Variants in TEX46 observed in about 807,000 individuals in gnomAD.
The protein encoded by TEX46 is testis-expressed protein 46.
A neutral mutation model predicts 5.3 loss-of-function variants in TEX46; 6 were observed. The observed-to-expected ratio is 1.13, with a 90% CI of 0.62 to 2.23. The LOEUF (loss-of-function observed/expected upper bound fraction) is 2.23. Ranked by LOEUF, TEX46 falls within the 30% of genes most tolerant of loss-of-function variation. The pLI is 0.00. For missense variants in TEX46, 131 were observed against 150.9 expected (o/e 0.87, Z 0.69); for synonymous variants, 41 against 54.6 (o/e 0.75, Z 1.10).
At chr1:23,012,898 G>C (rs1024427667) in intron 2 of TEX46, among the ~76,000 whole-genome samples, 1 of 135,746 alleles carries the variant, frequency 7.4e-6, no homozygotes, top group African/African-American at 2.8e-5. Context: ...TTGAGACAGA[G>C]TCTCACTCTG....
intron 2 of TEX46, 154 bp from the exon 3 acceptor site, chr1:23,011,255 C>T: frequency 3.3e-6 from 2 of 611,264 alleles, no homozygotes; most frequent in Non-Finnish European, 5.8e-6. Context: ...AATGATAATC[C>T]CTTCCTTGCT....
At chr1:23,013,017 A>G (rs1641374544) in intron 2 of TEX46, among the ~76,000 whole-genome samples, 1 of 151,304 alleles carries the variant, frequency 6.6e-6, no homozygotes, top group East Asian at 1.9e-4. Flanking sequence ...GGCACGCACC[A>G]CCATGCCTGG....
chr1:23,012,261 T>G (rs1443842619), intron 2 of TEX46, among the ~76,000 whole-genome samples: 1 of 151,870 alleles, frequency 6.6e-6, no homozygotes, highest in African/African-American at 2.4e-5. Flanking sequence ...AAGGATCACC[T>G]GATCCCAGGG....
intron 1 of TEX46, 114 bp from the exon 2 acceptor site, chr1:23,014,159 T>C: frequency 7.0e-7 from 1 of 1,420,452 alleles, no homozygotes; most frequent in Admixed American, 2.9e-5. Flanking sequence ...CTCTGAGTCA[T>C]AGCCAGCTCC....
chr1:23,013,769 G>T (rs990130258), intron 2 of TEX46, 114 bp downstream of exon 2: 22 of 960,256 alleles, frequency 2.3e-5, no homozygotes, highest in Non-Finnish European at 3.2e-5. Context: ...GACCAGTCTT[G>T]GATTCCCCAG....
chr1:23,011,346 G>A (rs1641349427), intron 2 of TEX46: 1 of 435,370 alleles, frequency 2.3e-6, no homozygotes, highest in Non-Finnish European at 4.1e-6. Flanking sequence ...GAGCATCATT[G>A]CCTCATTTTG....
chr1:23,012,436 A>G (rs1382887511), intron 2 of TEX46, among the ~76,000 whole-genome samples: 1 of 152,168 alleles, frequency 6.6e-6, no homozygotes, highest in African/African-American at 2.4e-5. Flanking sequence ...AAATACTCAT[A>G]TTCCCATATC....
intron 1 of TEX46, among the ~76,000 whole-genome samples, chr1:23,015,497 T>C (rs888433963): frequency 1.4e-5 from 2 of 142,864 alleles, no homozygotes; most frequent in Admixed American, 1.4e-4. Flanking sequence ...ATTCCACTTT[T>C]GGGTATTCCC....
chr1:23,015,436 C>CAA lies in TEX46; in HGVS notation c.2+334_2+335dup, dbSNP rs61258225. Among the ~76,000 whole-genome samples the CAA allele has an allele frequency of 5.9e-3, 164 of 27,778 alleles. 32 individuals carry two copies. The highest frequency in any genetic ancestry group is 0.014 in the African/African-American group (92 of 6,456). 18.2% of individuals were successfully genotyped at this position (27,778 alleles called of 152,430 possible). On this transcript the variant is annotated intron_variant, in intron 1 of 2. Coordinates refer to ENST00000566855, the MANE Select transcript of TEX46 (RefSeq NM_001242521.2). The stretch of plus-strand genomic sequence containing the variant: ...GGGCGACAACAGTAAGACTCCTTCT[C>CAA]AAAAAAAAAAAAAAAAAAAAAAAAA...
chr1:23,012,914 C>A (rs1244563515), intron 2 of TEX46, among the ~76,000 whole-genome samples: 1 of 143,982 alleles, frequency 6.9e-6, no homozygotes, highest in Admixed American at 7.1e-5. Context: ...CTCTGTCATC[C>A]AGGCTGTAGT....
At chr1:23,014,385 A>G (rs772192419) in intron 1 of TEX46, among the ~76,000 whole-genome samples, 2 of 152,126 alleles carry the variant, frequency 1.3e-5, no homozygotes, top group African/African-American at 2.4e-5. Context: ...CTACCATCAT[A>G]GGGGCAAAGA....
intron 2 of TEX46, among the ~76,000 whole-genome samples, chr1:23,013,064 C>T (rs946008302): frequency 3.9e-5 from 6 of 151,992 alleles, no homozygotes; most frequent in African/African-American, 1.4e-4. Context: ...GGGGTTTCCT[C>T]ATGTTGCCTG....
At chr1:23,012,215 C>T (rs1490482778) in intron 2 of TEX46, among the ~76,000 whole-genome samples, 1 of 151,884 alleles carries the variant, frequency 6.6e-6, no homozygotes, top group African/African-American at 2.4e-5. Flanking sequence ...GCCCTGTGCA[C>T]ACCTGTAGTC....
chr1:23,015,646 A>G, intron 1 of TEX46, 126 bp downstream of exon 1: 2 of 619,670 alleles, frequency 3.2e-6, no homozygotes. Flanking sequence ...TATACACGCA[A>G]TATTACCAGC....
At chr1:23,013,584 AT>A (rs1300751175) in intron 2 of TEX46, among the ~76,000 whole-genome samples, 3 of 151,764 alleles carry the variant, frequency 2.0e-5, no homozygotes, top group South Asian at 2.1e-4. Context: ...AATTTTTTTT[AT>A]TTTTTTCACA....
At chr1:23,012,705 G>A (rs576310845) in intron 2 of TEX46, among the ~76,000 whole-genome samples, 1 of 152,182 alleles carries the variant, frequency 6.6e-6, no homozygotes, top group Non-Finnish European at 1.5e-5. Flanking sequence ...ATGGGTAGGG[G>A]CCGGGGTGGC....
chr1:23,011,087 T>C lies in TEX46; in HGVS notation c.180A>G (p.Gln60=), dbSNP rs1239151370. The C allele has an allele frequency of 2.0e-6, 3 of 1,536,006 alleles. No individual in the cohort carries two copies. The highest frequency in any genetic ancestry group is 1.4e-5 in the African/African-American group (1 of 73,168). Residue 60 remains glutamine, a synonymous_variant, in exon 3 of 3, where the codon CAA becomes CAG. Coordinates refer to ENST00000566855, the MANE Select transcript of TEX46 (RefSeq NM_001242521.2). ...TCTTCATTTCACTGAACAACAGCCG[T>C]TGGAGGATCTCGTCCTGGAGGGCAA... ...LPEPQQDEIL[Q]RLLFSEMKMK... is the part of the protein sequence containing the mutation.
chr1:23,014,496 T>A (rs1349339512), intron 1 of TEX46, among the ~76,000 whole-genome samples: 1 of 152,154 alleles, frequency 6.6e-6, no homozygotes, highest in Non-Finnish European at 1.5e-5. Flanking sequence ...TAATATAATA[T>A]GTAATATTGA....
chr1:23,011,125 T>C (rs1641347511), intron 2 of TEX46, 24 bp from the exon 3 acceptor site: 1 of 1,519,826 alleles, frequency 6.6e-7, no homozygotes, highest in African/African-American at 1.4e-5. Flanking sequence ...CAGGCATGCG[T>C]TCTATTGACT....
Sources: allele counts gnomAD v4.1 joint callset (sites outside exome capture counted in the v4.1 genomes callset), GRCh38; gene constraint gnomAD v4.1.1; transcripts MANE v1.5; gene names NCBI Gene and HGNC (gene_info 2026-07-23, HGNC 2026-07-21).